The following STK31 variants were observed in gnomAD, a reference collection of about 807,000 sequenced individuals.
STK31 encodes the protein serine/threonine kinase 31.
Under a neutral mutation model 129.7 loss-of-function variants are expected in STK31, and 89 were observed. The observed-to-expected ratio is 0.69, with a 90% confidence interval of 0.58 to 0.82. The LOEUF is 0.82. STK31 is among the 40% of genes least tolerant of loss of function. STK31 has a pLI of 0.00. For missense variants in STK31, 1,187 were observed against 1,176.4 expected (o/e 1.01, Z -0.13); for synonymous variants, 448 against 395.3 (o/e 1.13, Z -1.58).
chr7:23,782,629 C>G (rs771295636), intron 16 of STK31, among the ~76,000 whole-genome samples: 1 of 152,092 alleles, frequency 6.6e-6, no homozygotes, highest in Non-Finnish European at 1.5e-5. Flanking sequence ...AATGATTTGA[C>G]AAGTGTTTAG....
At chr7:23,830,289 T>G (rs1794463125) in intron 23 of STK31, among the ~76,000 whole-genome samples, 1 of 152,304 alleles carries the variant, frequency 6.6e-6, no homozygotes, top group Middle Eastern at 3.4e-3. Flanking sequence ...TGTATTTCAC[T>G]TAGTTCTGCT....
At chr7:23,771,431 G>A in intron 14 of STK31, 1 of 177,410 alleles carries the variant, frequency 5.6e-6, no homozygotes, top group Non-Finnish European at 1.2e-5. Flanking sequence ...AATTCCCTTA[G>A]CCTAAGAGAT....
intron 3 of STK31, among the ~76,000 whole-genome samples, chr7:23,713,119 G>C (rs1398904621): frequency 6.6e-6 from 1 of 152,140 alleles, no homozygotes; most frequent in East Asian, 1.9e-4. Context: ...CTGCGTCGCT[G>C]TATGAACATC....
At chr7:23,732,141 T>G (rs1179675411) in intron 6 of STK31, among the ~76,000 whole-genome samples, 1 of 151,932 alleles carries the variant, frequency 6.6e-6, no homozygotes, top group Non-Finnish European at 1.5e-5. Flanking sequence ...AAACCCTGTC[T>G]GTATAAAAAA....
intron 22 of STK31, among the ~76,000 whole-genome samples, chr7:23,808,846 C>T (rs1407875368): frequency 1.3e-5 from 2 of 151,958 alleles, no homozygotes; most frequent in African/African-American, 4.8e-5. Flanking sequence ...TGGTGTGTGA[C>T]TGGAATAGGG....
chr7:23,715,207 A>AT lies in STK31; in HGVS notation c.151-2265dup, dbSNP rs11320152. 4.1e-3 allele frequency among the ~76,000 whole-genome samples: 618 copies of AT among 151,500 alleles called. 5 individuals carry two copies. Among genetic ancestry groups the AT allele is most frequent in the African/African-American group, 0.013 (540 of 41,290 alleles). On this transcript the variant is annotated intron_variant, in intron 3 of 23. Coordinates refer to ENST00000355870, the MANE Select transcript of STK31 (RefSeq NM_031414.5). ...GAAAATCTGCTCACGTGTATTCTCC[A>AT]TTTTTTTTTGCCCTGTGGGCTTCTG...
At chr7:23,808,710 A>G (rs1033028539) in intron 22 of STK31, among the ~76,000 whole-genome samples, 2 of 152,040 alleles carry the variant, frequency 1.3e-5, no homozygotes, top group South Asian at 2.1e-4. Context: ...CTTCATGGAT[A>G]CCATGCTAGT....
intron 8 of STK31, among the ~76,000 whole-genome samples, chr7:23,745,347 G>T (rs1788285776): frequency 6.6e-6 from 1 of 152,202 alleles, no homozygotes; most frequent in Admixed American, 6.5e-5. Flanking sequence ...GGCAGGTGCA[G>T]GATGATGCCC....
At chr7:23,765,017 A>G (rs964532115) in intron 11 of STK31, among the ~76,000 whole-genome samples, 1 of 151,680 alleles carries the variant, frequency 6.6e-6, no homozygotes, top group African/African-American at 2.4e-5. Context: ...TTTTTGGTTA[A>G]CACTGCAACA....
At chr7:23,728,833 C>G (rs1048750367) in intron 5 of STK31, among the ~76,000 whole-genome samples, 2 of 151,906 alleles carry the variant, frequency 1.3e-5, no homozygotes, top group African/African-American at 2.4e-5. Context: ...TGTCTAAAAA[C>G]AAAAAGCACC....
At position 23,801,378 on chromosome 7, in the gene STK31, T is replaced by C. The variant is rs192225737; in HGVS notation, c.2760+10432T>C. Among the ~76,000 whole-genome samples, 341 of 152,282 alleles carry C rather than the reference T, an allele frequency of 2.2e-3. 1 individual carries two copies. The highest frequency in any genetic ancestry group is 1.6e-3 in the Non-Finnish European group (108 of 68,020). ...GTGAAGTGTCTGTCTTTTGCCTGTTTTTTAATTGGATTTTTGTTTTATTGC... is the reference window on the plus strand; with the variant it reads ...GTGAAGTGTCTGTCTTTTGCCTGTTCTTTAATTGGATTTTTGTTTTATTGC... On this transcript the variant is annotated intron_variant, in intron 22 of 23. Coordinates refer to ENST00000355870, the MANE Select transcript of STK31 (RefSeq NM_031414.5).
intron 21 of STK31, among the ~76,000 whole-genome samples, chr7:23,789,679 A>G (rs915678693): frequency 1.3e-5 from 2 of 152,120 alleles, no homozygotes; most frequent in Admixed American, 6.6e-5. Flanking sequence ...AAATTAAGAT[A>G]TCCTAAGAAA....
chr7:23,727,623 T>C, intron 5 of STK31: 3 of 258,896 alleles, frequency 1.2e-5, no homozygotes, highest in Non-Finnish European at 2.1e-5. Flanking sequence ...AGTGCAGTGG[T>C]ACGATCTTGG....
chr7:23,712,474 T>C (rs911152447), intron 3 of STK31, among the ~76,000 whole-genome samples, 188 bp downstream of exon 3: 2 of 152,222 alleles, frequency 1.3e-5, no homozygotes, highest in African/African-American at 4.8e-5. Context: ...TGACTCATTA[T>C]GAGTCAAGTG....
rs746043348 is a variant in STK31 at position 23,769,156 on chromosome 7, G to A, written c.1578G>A (p.Trp526Ter). 7 of 1,594,386 alleles carry A rather than the reference G, an allele frequency of 4.4e-6. No individual in the cohort carries two copies. The highest frequency in any genetic ancestry group is 6.0e-6 in the Non-Finnish European group (7 of 1,173,218). Reference protein sequence around the residue: ...TDASLHRLVAWFQRTLKVFDL... With the variant: ...TDASLHRLVA ...CTTCTCTGCACCGTCTTGTAGCATG[G>A]TTCCAAAGAACCTTAAAGGTAATAA... The change falls in exon 12 of 24, where the codon TGG becomes TGA. Residue 526 changes from tryptophan to a stop codon, truncating the protein, a stop_gained. Transcript: ENST00000355870. LOFTEE classifies it high-confidence loss of function.
At chr7:23,761,490 G>A (rs28670249) in intron 10 of STK31, among the ~76,000 whole-genome samples, 14,663 of 149,642 alleles carry the variant, frequency 0.098, 1,015 homozygotes, top group African/African-American at 0.2. Context: ...GTGTGATCTC[G>A]GCTCACTGCA....
intron 8 of STK31, 36 bp downstream of exon 8, chr7:23,737,114 T>C (rs1787765949): frequency 1.3e-6 from 2 of 1,526,146 alleles, no homozygotes; most frequent in Non-Finnish European, 1.7e-6. Context: ...AGTGTCCAAC[T>C]GGGAAATCTG....
intron 8 of STK31, among the ~76,000 whole-genome samples, chr7:23,739,390 C>G (rs990105012): frequency 2.0e-5 from 3 of 152,066 alleles, no homozygotes; most frequent in Non-Finnish European, 2.9e-5. Flanking sequence ...GTCAGATGGA[C>G]AGATTGCAAA....
intron 22 of STK31, among the ~76,000 whole-genome samples, chr7:23,809,607 T>C (rs936399049): frequency 3.9e-5 from 6 of 152,176 alleles, no homozygotes; most frequent in Non-Finnish European, 8.8e-5. Flanking sequence ...TATGCAGGCT[T>C]TATGTCTTAT....
Sources: gnomAD v4.1 joint callset for allele counts (sites outside exome capture counted in the v4.1 genomes callset) on GRCh38, gnomAD v4.1.1 for gene constraint, MANE v1.5 for transcripts, NCBI Gene and HGNC (gene_info 2026-07-23, HGNC 2026-07-21) for gene names.